Variants in PTPRG observed in about 807,000 individuals in gnomAD.
PTPRG encodes protein tyrosine phosphatase receptor type G.
Under a neutral mutation model 165.3 loss-of-function variants are expected in PTPRG, and 102 were observed. That is an observed-to-expected ratio of 0.62 (90% CI 0.53 to 0.73). The LOEUF (loss-of-function observed/expected upper bound fraction) is 0.73. PTPRG is among the 30% of genes least tolerant of loss of function. The pLI is 0.00. For synonymous variants in PTPRG, 675 were observed against 669.5 expected (o/e 1.01, Z -0.13); for missense variants, 1,866 against 1,861.4 (o/e 1.00, Z -0.05).
chr3:61,726,706 A>G (rs2032271980), intron 1 of PTPRG, among the ~76,000 whole-genome samples: 1 of 152,086 alleles, frequency 6.6e-6, no homozygotes, highest in Non-Finnish European at 1.5e-5. Flanking sequence ...TCTTTGTTGG[A>G]TTGACAGTTC....
At chr3:61,875,063 G>A (rs1166554043) in intron 2 of PTPRG, among the ~76,000 whole-genome samples, 2 of 152,142 alleles carry the variant, frequency 1.3e-5, no homozygotes, top group African/African-American at 4.8e-5. Context: ...CCTCTGCCGC[G>A]AGCTCTTATC....
At chr3:62,157,399 A>G (rs938653912) in intron 7 of PTPRG, among the ~76,000 whole-genome samples, 175 bp downstream of exon 7, 1 of 152,160 alleles carries the variant, frequency 6.6e-6, no homozygotes, top group African/African-American at 2.4e-5. Flanking sequence ...CAAGCGATAG[A>G]ATGTGGTTTC....
intron 5 of PTPRG, among the ~76,000 whole-genome samples, chr3:62,127,117 G>A (rs1435810327): frequency 6.6e-6 from 1 of 152,194 alleles, no homozygotes; most frequent in Non-Finnish European, 1.5e-5. Flanking sequence ...CTTGAACATG[G>A]CCACATTTCC....
intron 5 of PTPRG, among the ~76,000 whole-genome samples, chr3:62,094,252 C>T (rs1702036535): frequency 6.6e-6 from 1 of 152,176 alleles, no homozygotes; most frequent in Admixed American, 6.5e-5. Context: ...AACTCCCTAC[C>T]CCCTTTTTCT....
chr3:61,667,794 T>TAA (rs60917362), intron 1 of PTPRG, among the ~76,000 whole-genome samples: 21,248 of 141,672 alleles, frequency 0.15, 1,541 homozygotes, highest in Admixed American at 0.18. Flanking sequence ...TTTTTTTAAT[T>TAA]AAAAAAAAAA....
intron 2 of PTPRG, among the ~76,000 whole-genome samples, chr3:61,837,760 G>A (rs2036512894): frequency 6.6e-6 from 1 of 152,134 alleles, no homozygotes; most frequent in South Asian, 2.1e-4. Flanking sequence ...AGTCCATTAG[G>A]GCAGCTATAA....
intron 26 of PTPRG, among the ~76,000 whole-genome samples, chr3:62,278,156 G>C (rs1458551437): frequency 6.6e-6 from 1 of 152,022 alleles, no homozygotes; most frequent in Non-Finnish European, 1.5e-5. Flanking sequence ...TTGCTCAAGA[G>C]AGCACACACA....
At chr3:62,071,995 T>C (rs1225032332) in intron 4 of PTPRG, among the ~76,000 whole-genome samples, 2 of 152,194 alleles carry the variant, frequency 1.3e-5, no homozygotes, top group Non-Finnish European at 2.9e-5. Context: ...TGCTTTCTAT[T>C]CATTCAACTT....
chr3:61,965,428 C>T (rs1248984880), intron 2 of PTPRG, among the ~76,000 whole-genome samples: 1 of 141,842 alleles, frequency 7.1e-6, no homozygotes, highest in Non-Finnish European at 1.5e-5. Flanking sequence ...GTGGAGGTTG[C>T]AGTGAGCCAA....
intron 28 of PTPRG, among the ~76,000 whole-genome samples, chr3:62,283,090 T>C (rs1307119688): frequency 2.6e-5 from 4 of 152,100 alleles, no homozygotes. Context: ...CTAGAGTATA[T>C]GTTCTAGAAA....
At chr3:61,602,108 T>C (rs1315850981) in intron 1 of PTPRG, among the ~76,000 whole-genome samples, 1 of 152,084 alleles carries the variant, frequency 6.6e-6, no homozygotes, top group Non-Finnish European at 1.5e-5. Flanking sequence ...TATGTGACTG[T>C]GTTAATGGAA....
chr3:61,825,121 C>A (rs533180094), intron 2 of PTPRG, among the ~76,000 whole-genome samples: 2 of 152,108 alleles, frequency 1.3e-5, no homozygotes, highest in Non-Finnish European at 2.9e-5. Flanking sequence ...TAAGAATATT[C>A]GAGATACATC....
intron 8 of PTPRG, among the ~76,000 whole-genome samples, chr3:62,188,688 A>C (rs1452856385): frequency 6.6e-6 from 1 of 152,196 alleles, no homozygotes; most frequent in Non-Finnish European, 1.5e-5. Context: ...GGGTGACAGA[A>C]TTATTTATGG....
chr3:61,975,931 T>C (rs920344574), intron 2 of PTPRG, among the ~76,000 whole-genome samples: 6 of 152,206 alleles, frequency 3.9e-5, no homozygotes, highest in African/African-American at 1.4e-4. Context: ...CCCTATTTAT[T>C]TGATGCAATT....
intron 1 of PTPRG, among the ~76,000 whole-genome samples, chr3:61,563,299 T>G (rs1699815696): frequency 6.6e-6 from 1 of 152,164 alleles, no homozygotes; most frequent in South Asian, 2.1e-4. Flanking sequence ...CTGGCCAGGT[T>G]AAGACAGGAA....
chr3:62,055,806 A>G (rs976337148), intron 4 of PTPRG, among the ~76,000 whole-genome samples: 3 of 152,106 alleles, frequency 2.0e-5, no homozygotes, highest in Non-Finnish European at 2.9e-5. Flanking sequence ...CTGTGTCCAC[A>G]TTTCCCTAAT....
At chr3:61,939,286 G>C (rs1219197174) in intron 2 of PTPRG, among the ~76,000 whole-genome samples, 1 of 152,168 alleles carries the variant, frequency 6.6e-6, no homozygotes, top group South Asian at 2.1e-4. Flanking sequence ...GACATGAAGT[G>C]CCTCTAAGCA....
chr3:62,026,155 T>A (rs1575905700), intron 4 of PTPRG, among the ~76,000 whole-genome samples: 1 of 152,196 alleles, frequency 6.6e-6, no homozygotes, highest in South Asian at 2.1e-4. Flanking sequence ...CATAATGGAA[T>A]TGATTTCTTA....
intron 1 of PTPRG, among the ~76,000 whole-genome samples, chr3:61,643,374 C>T (rs572039744): frequency 1.3e-5 from 2 of 152,236 alleles, no homozygotes; most frequent in African/African-American, 4.8e-5. Flanking sequence ...AATGAATTAA[C>T]TAGTAAAATC....
Sources: gnomAD v4.1 joint callset for allele counts (sites outside exome capture counted in the v4.1 genomes callset) on GRCh38, gnomAD v4.1.1 for gene constraint, MANE v1.5 for transcripts, NCBI Gene and HGNC (gene_info 2026-07-23, HGNC 2026-07-21) for gene names.